DNAI4: variants seen among roughly 807,000 people sequenced by gnomAD.
DNAI4 encodes the protein WD repeat domain 78.
DNAI4 carries 85 observed loss-of-function variants against 105.8 expected under a neutral mutation model. The observed-to-expected ratio is 0.80, with a 90% CI of 0.67 to 0.96. The LOEUF is 0.96. DNAI4 is among the 40% of genes least tolerant of loss of function. The pLI, the probability that DNAI4 is intolerant of heterozygous loss-of-function variation, is 0.00. For synonymous variants in DNAI4, 352 were observed against 331.5 expected, an observed-to-expected ratio of 1.06 and a Z score of -0.67; for missense variants, 1,014 against 1,005.6, an observed-to-expected ratio of 1.01 and a Z score of -0.11.
chr1:66,871,473 G>T lies in DNAI4; in HGVS notation c.837C>A (p.Asn279Lys). Residue 279 changes from asparagine (N) to lysine (K), a missense_variant, in exon 6 of 17, where the codon AAC becomes AAA. Coordinates refer to ENST00000371026, the MANE Select transcript of DNAI4 (RefSeq NM_024763.5). The stretch of plus-strand genomic sequence containing the variant: ...CAACATATAGGTCATTGCCTAATCT[G>T]TTTCTACAAAGGACTTCATAATTCT... ...RNKNYEVLCR[N>K]RLGNDLYVER... 6.2e-7 allele frequency: 1 copy of T among 1,605,392 alleles called. No individual in the cohort carries two copies. The highest frequency in any genetic ancestry group is 1.7e-5 in the Admixed American group (1 of 58,580).
chr1:66,913,705 G>A (rs1358340097), intron 1 of DNAI4, among the ~76,000 whole-genome samples: 6 of 152,094 alleles, frequency 3.9e-5, no homozygotes, highest in African/African-American at 4.8e-5. Context: ...GGTGGAGGCC[G>A]GGCGCAGTGG....
At chr1:66,878,231 T>A (rs1186735811) in intron 4 of DNAI4, among the ~76,000 whole-genome samples, 2 of 152,216 alleles carry the variant, frequency 1.3e-5, no homozygotes. Context: ...TGGGTTATAA[T>A]CCAATTCTAC....
intron 13 of DNAI4, among the ~76,000 whole-genome samples, chr1:66,831,027 T>G (rs954719512): frequency 2.7e-5 from 4 of 147,322 alleles, no homozygotes; most frequent in African/African-American, 9.9e-5. Flanking sequence ...ATTCCACAAC[T>G]GTTAAAGGAT....
intron 1 of DNAI4, among the ~76,000 whole-genome samples, chr1:66,911,675 CTGTT>C (rs1403859392): frequency 6.6e-6 from 1 of 152,180 alleles, no homozygotes; most frequent in African/African-American, 2.4e-5. Context: ...AATACAGTGG[CTGTT>C]TAATACATTT....
At chr1:66,919,974 CAGA>C (rs1052122122) in intron 1 of DNAI4, among the ~76,000 whole-genome samples, 10 of 152,210 alleles carry the variant, frequency 6.6e-5, no homozygotes, top group South Asian at 2.1e-4. Flanking sequence ...AAATTCTGGG[CAGA>C]AGAAGGCAGG....
intron 13 of DNAI4, among the ~76,000 whole-genome samples, chr1:66,831,203 A>T (rs1316003583): frequency 1.3e-5 from 2 of 152,026 alleles, no homozygotes; most frequent in Non-Finnish European, 2.9e-5. Context: ...TCTCCCCACA[A>T]AGAAAACTCC....
rs550018634 is a variant in DNAI4, at chr1:66,874,783, T to C, written c.798A>G (p.Val266=). The change falls in exon 5 of 17, where the codon GTA becomes GTG. Residue 266 remains valine (V), a splice_region_variant and synonymous_variant. Coordinates refer to ENST00000371026, the MANE Select transcript of DNAI4 (RefSeq NM_024763.5). ...VSVESEEAEK[V]TQRNKNYEVL... ...GTAGACAACTGAACCATACATACGTTACTTTCTCAGCTTCTTCAGATTCTA... is the reference window on the plus strand; with the variant it reads ...GTAGACAACTGAACCATACATACGTCACTTTCTCAGCTTCTTCAGATTCTA... The C allele has an allele frequency of 6.9e-6, 11 of 1,605,178 alleles. No homozygotes were observed. The African/African-American group carries it at 1.1e-4, about 16-fold the overall frequency.
Position 66,893,115 on chromosome 1 carries a change from A to AAG in DNAI4, c.530+112_530+113dup, listed in dbSNP as rs1258558146. ...AAAGAAAGAAAGAAAGAAAGAAAGAAAGAAAGAAACTGGGAGACTGGAGAC... is the reference window on the plus strand; with the variant it reads ...AAAGAAAGAAAGAAAGAAAGAAAGAAAGAGAAAGAAACTGGGAGACTGGAGAC... On this transcript the variant is annotated intron_variant, in intron 3 of 16. Coordinates refer to ENST00000371026, the MANE Select transcript of DNAI4 (RefSeq NM_024763.5). 15 of 513,866 alleles carry AAG rather than the reference A, an allele frequency of 2.9e-5. 1 individual carries two copies. The highest frequency in any genetic ancestry group is 3.8e-5 in the Non-Finnish European group (12 of 314,260). 31.8% of individuals were successfully genotyped at this position (513,866 alleles called of 1,614,324 possible).
At position 66,837,314 on chromosome 1, in the gene DNAI4, G is replaced by A. The variant is rs370234833; in HGVS notation, c.1581+396C>T. ...CGGGAGGCAGAGTTTGCAGTGAGTC[G>A]AGATTGCGCCACTGCACTCCAGCCT... On this transcript the variant is annotated intron_variant, in intron 10 of 16. Transcript: ENST00000371026. 7.2e-5 allele frequency among the ~76,000 whole-genome samples: 10 copies of A among 138,950 alleles called. No individual in the cohort carries two copies. The East Asian group carries it at 1.6e-3, about 22-fold the overall frequency. 91.2% of individuals were successfully genotyped at this position (138,950 alleles called of 152,430 possible). A position where few individuals can be genotyped will look rare whatever the true frequency, so the allele number is the denominator to read the frequency against.
At chr1:66,839,207 G>A (rs1015451318) in intron 9 of DNAI4, among the ~76,000 whole-genome samples, 3 of 152,040 alleles carry the variant, frequency 2.0e-5, no homozygotes, top group Admixed American at 1.3e-4. Flanking sequence ...CAAGGCGGGA[G>A]GATCACTAGA....
At chr1:66,915,930 T>C (rs1219349275) in intron 1 of DNAI4, among the ~76,000 whole-genome samples, 3 of 152,146 alleles carry the variant, frequency 2.0e-5, no homozygotes, top group Admixed American at 2.0e-4. Context: ...GAGACCAGTC[T>C]GGCCAACATG....
intron 2 of DNAI4, among the ~76,000 whole-genome samples, chr1:66,897,695 G>T (rs1648447360): frequency 6.6e-6 from 1 of 152,184 alleles, no homozygotes; most frequent in Non-Finnish European, 1.5e-5. Context: ...CCCCCATTGG[G>T]GCTGTGCCCA....
chr1:66,924,586 A>C, intron 1 of DNAI4, 76 bp downstream of exon 1: 1 of 1,605,174 alleles, frequency 6.2e-7, no homozygotes, highest in Non-Finnish European at 8.5e-7. Flanking sequence ...CCAAATCCAG[A>C]AATGGTATCT....
intron 11 of DNAI4, 92 bp downstream of exon 11, chr1:66,835,534 A>G: frequency 7.4e-7 from 1 of 1,344,766 alleles, no homozygotes; most frequent in Admixed American, 2.1e-5. Flanking sequence ...TCTCAGTAAC[A>G]ACAAAAATAT....
At chr1:66,831,191 A>C (rs1645860170) in intron 13 of DNAI4, among the ~76,000 whole-genome samples, 1 of 152,002 alleles carries the variant, frequency 6.6e-6, no homozygotes, top group Non-Finnish European at 1.5e-5. Context: ...AAAAATTAAA[A>C]ATCTCCCCAC....
intron 4 of DNAI4, among the ~76,000 whole-genome samples, chr1:66,882,078 C>G (rs1647085347): frequency 6.6e-6 from 1 of 152,190 alleles, no homozygotes; most frequent in Non-Finnish European, 1.5e-5. Context: ...CCTCCCCAGC[C>G]ATGTGAAATG....
intron 4 of DNAI4, among the ~76,000 whole-genome samples, chr1:66,886,392 T>C (rs1376475512): frequency 6.6e-5 from 10 of 152,362 alleles, no homozygotes; most frequent in South Asian, 2.1e-4. Context: ...GCACTCCTAA[T>C]GACTTTTTGT....
intron 4 of DNAI4, among the ~76,000 whole-genome samples, chr1:66,887,040 T>A (rs1046100917): frequency 2.6e-5 from 4 of 151,510 alleles, no homozygotes; most frequent in Non-Finnish European, 5.9e-5. Context: ...TAGCTTATCC[T>A]CAGCTCAGAT....
chr1:66,832,543 G>T (rs560109331), intron 13 of DNAI4, among the ~76,000 whole-genome samples: 26 of 152,178 alleles, frequency 1.7e-4, no homozygotes, highest in Non-Finnish European at 2.9e-4. Flanking sequence ...GTAGGGCAGT[G>T]GTGGGGATGG....
Sources: gnomAD v4.1 joint callset for allele counts (sites outside exome capture counted in the v4.1 genomes callset) on GRCh38, gnomAD v4.1.1 for gene constraint, MANE v1.5 for transcripts, NCBI Gene and HGNC (gene_info 2026-07-23, HGNC 2026-07-21) for gene names.